The following DLGAP1 variants were observed in gnomAD, a reference collection of about 807,000 sequenced individuals.
The protein encoded by DLGAP1 is DLG associated protein 1.
DLGAP1 carries 11 observed loss-of-function variants against 90.8 expected under a neutral mutation model. That is an observed-to-expected ratio of 0.12 (90% CI 0.08 to 0.20). The LOEUF is 0.20. Ranked by LOEUF, DLGAP1 falls within the 10% of genes least tolerant of loss-of-function variation. The pLI, the probability that DLGAP1 is intolerant of heterozygous loss-of-function variation, is 1.00. For missense variants in DLGAP1, 1,050 were observed against 1,333.8 expected (o/e 0.79, Z 3.31); for synonymous variants, 558 against 540.7 (o/e 1.03, Z -0.44).
chr18:4,400,223 C>T (rs1567891364), intron 1 of DLGAP1, among the ~76,000 whole-genome samples: 1 of 152,302 alleles, frequency 6.6e-6, no homozygotes, highest in Non-Finnish European at 1.5e-5. Context: ...TTGGTGTTCC[C>T]TTTAGGACTA....
chr18:3,575,995 C>T (rs898062146), intron 8 of DLGAP1, among the ~76,000 whole-genome samples: 3 of 152,146 alleles, frequency 2.0e-5, no homozygotes, highest in Non-Finnish European at 4.4e-5. Context: ...GGAAACAGCA[C>T]ATTTATTTAT....
intron 3 of DLGAP1, among the ~76,000 whole-genome samples, chr18:3,954,559 T>G (rs1599213540): frequency 6.6e-6 from 1 of 152,236 alleles, no homozygotes; most frequent in African/African-American, 2.4e-5. Flanking sequence ...AGCAAAAAGT[T>G]ATGTGACTTA....
rs937448982 is a variant in DLGAP1, at chr18:3,534,522, T to A, written c.2151A>T (p.Ile717=). 1.9e-6 allele frequency: 3 copies of A among 1,614,176 alleles called. No homozygotes were observed. The highest frequency in any genetic ancestry group is 2.5e-6 in the Non-Finnish European group (3 of 1,180,022). Residue 717 remains isoleucine, a synonymous_variant, in exon 10 of 13, where the codon ATA becomes ATT. Coordinates refer to ENST00000315677, the MANE Select transcript of DLGAP1 (RefSeq NM_004746.4). ...HDNLENSLES[I]EDNSCPGPMA... is the part of the protein sequence containing the mutation. ...TGGGGCCAGGACACGAATTGTCCTC[T>A]ATAGATTCCAGAGAATTTTCCAGAT...
At chr18:3,746,892 T>G (rs1237865015) in intron 5 of DLGAP1, among the ~76,000 whole-genome samples, 2 of 152,238 alleles carry the variant, frequency 1.3e-5, no homozygotes, top group African/African-American at 4.8e-5. Flanking sequence ...TCTTAAAGCT[T>G]GTATGGAATT....
chr18:4,374,379 T>G (rs939428166), intron 1 of DLGAP1, among the ~76,000 whole-genome samples: 5 of 152,144 alleles, frequency 3.3e-5, no homozygotes, highest in Non-Finnish European at 7.4e-5. Flanking sequence ...AGTAATATAT[T>G]TTCCATGAGT....
At chr18:3,531,314 G>A (rs1388815621) in intron 10 of DLGAP1, among the ~76,000 whole-genome samples, 2 of 151,968 alleles carry the variant, frequency 1.3e-5, no homozygotes, top group Admixed American at 6.6e-5. Flanking sequence ...GCAGGTGCCT[G>A]TAATCCCAGC....
chr18:4,207,731 C>T (rs2077751613), intron 1 of DLGAP1, among the ~76,000 whole-genome samples: 1 of 152,176 alleles, frequency 6.6e-6, no homozygotes, highest in East Asian at 1.9e-4. Context: ...GTCCAGCTAA[C>T]CACCAAAGAG....
At chr18:4,108,062 C>G (rs191773983) in intron 2 of DLGAP1, among the ~76,000 whole-genome samples, 52 of 152,168 alleles carry the variant, frequency 3.4e-4, no homozygotes, top group Non-Finnish European at 6.6e-4. Flanking sequence ...TGAAGCAGAT[C>G]ATAGAAACTG....
At chr18:4,170,889 C>T (rs997933078) in intron 1 of DLGAP1, among the ~76,000 whole-genome samples, 1 of 152,028 alleles carries the variant, frequency 6.6e-6, no homozygotes, top group Non-Finnish European at 1.5e-5. Context: ...GGGTTATATA[C>T]AACTGGGAGA....
chr18:3,602,157 G>GC (rs2057075381), intron 7 of DLGAP1, among the ~76,000 whole-genome samples: 1 of 152,164 alleles, frequency 6.6e-6, no homozygotes. Context: ...AAGTGTGTCT[G>GC]CAAGTACTCT....
intron 5 of DLGAP1, among the ~76,000 whole-genome samples, chr18:3,812,962 C>G (rs975777462): frequency 6.6e-6 from 1 of 151,988 alleles, no homozygotes; most frequent in Non-Finnish European, 1.5e-5. Flanking sequence ...ACGAATTATC[C>G]GTAATATATT....
chr18:4,144,732 G>A (rs72858736), intron 2 of DLGAP1, among the ~76,000 whole-genome samples: 27,831 of 151,936 alleles, frequency 0.18, 3,134 homozygotes, highest in South Asian at 0.27. Flanking sequence ...TTTTTAACAC[G>A]GTATCATTGT....
In DLGAP1 at chr18:4,342,608, A is replaced by C. The variant is rs971457256; in HGVS notation, c.-267+112398T>G. On this transcript the variant is annotated intron_variant, in intron 1 of 12. Coordinates refer to ENST00000315677, the MANE Select transcript of DLGAP1 (RefSeq NM_004746.4). This position sits in a 1 kb window ranked among gnomAD's most constrained non-coding sequence, Gnocchi z 5.8. Reference sequence around the variant, plus strand: ...TTCCAAGAATCTGGCTTAGGCTGAGATTACACAAAGAGGGAAATTAGCTCT... The same window carrying C: ...TTCCAAGAATCTGGCTTAGGCTGAGCTTACACAAAGAGGGAAATTAGCTCT... Among the ~76,000 whole-genome samples the C allele has an allele frequency of 6.6e-6, 1 of 151,612 alleles. No homozygotes were observed. The highest frequency in any genetic ancestry group is 1.5e-5 in the Non-Finnish European group (1 of 67,862).
At chr18:4,372,942 A>C (rs1456377635) in intron 1 of DLGAP1, among the ~76,000 whole-genome samples, 2 of 152,086 alleles carry the variant, frequency 1.3e-5, no homozygotes, top group South Asian at 2.1e-4. Flanking sequence ...AAAAAAGAAA[A>C]GAAAAAAAGA....
chr18:4,319,408 G>A (rs2143572817), intron 1 of DLGAP1, among the ~76,000 whole-genome samples: 1 of 152,252 alleles, frequency 6.6e-6, no homozygotes, highest in Non-Finnish European at 1.5e-5. Flanking sequence ...CATGAGGGCT[G>A]AACAAAGGAG....
intron 3 of DLGAP1, among the ~76,000 whole-genome samples, chr18:3,967,284 C>A (rs762460730): frequency 6.6e-6 from 1 of 152,142 alleles, no homozygotes; most frequent in Non-Finnish European, 1.5e-5. Context: ...AGGCACTGAG[C>A]GAATCAGCAA....
intron 1 of DLGAP1, among the ~76,000 whole-genome samples, chr18:4,164,166 C>T (rs1393680055): frequency 1.3e-5 from 2 of 152,006 alleles, no homozygotes; most frequent in African/African-American, 2.4e-5. Flanking sequence ...TGTGAGTCCT[C>T]ACTAAAATCA....
intron 3 of DLGAP1, among the ~76,000 whole-genome samples, chr18:3,997,890 G>A (rs754275622): frequency 2.0e-4 from 31 of 151,704 alleles, no homozygotes; most frequent in East Asian, 1.9e-4. Context: ...TGTATTTTAC[G>A]TGTACAGAAC....
chr18:3,640,347 G>A (rs2058893276), intron 7 of DLGAP1, among the ~76,000 whole-genome samples: 1 of 152,164 alleles, frequency 6.6e-6, no homozygotes, highest in Non-Finnish European at 1.5e-5. Context: ...TAGGAGCAAA[G>A]CCAGAATTGT....
Sources: gnomAD v4.1 joint callset for allele counts (sites outside exome capture counted in the v4.1 genomes callset) on GRCh38, gnomAD v4.1.1 for gene constraint, Gnocchi (gnomAD v3.1) non-coding constraint, MANE v1.5 for transcripts, NCBI Gene and HGNC (gene_info 2026-07-23, HGNC 2026-07-21) for gene names.